Variants in FRMD6 observed in about 807,000 individuals in gnomAD.
The protein encoded by FRMD6 is FERM domain-containing protein 6.
FRMD6 carries 37 observed loss-of-function variants against 73.2 expected under a neutral mutation model. That is an observed-to-expected ratio of 0.51 (90% CI 0.39 to 0.66). The LOEUF is 0.66. Ranked by LOEUF, FRMD6 falls within the 30% of genes least tolerant of loss-of-function variation. The probability of loss-of-function intolerance (pLI) is 0.00; values close to 1 mark genes in which losing one functional copy is unlikely to be tolerated. For missense variants in FRMD6, 714 were observed against 780.5 expected, an observed-to-expected ratio of 0.91 and a Z score of 1.02; for synonymous variants, 273 against 282.2, an observed-to-expected ratio of 0.97 and a Z score of 0.33.
At chr14:51,659,306 A>G (rs1274645945) in intron 1 of FRMD6, among the ~76,000 whole-genome samples, 2 of 152,280 alleles carry the variant, frequency 1.3e-5, no homozygotes, top group Non-Finnish European at 2.9e-5. Context: ...GGTCTTTGAT[A>G]TATAATAAAC....
intron 1 of FRMD6, among the ~76,000 whole-genome samples, chr14:51,654,305 TG>T (rs56170622): frequency 1.0e-3 from 122 of 121,906 alleles, no homozygotes; most frequent in East Asian, 1.2e-3. Flanking sequence ...TTAGCTGAAT[TG>T]GGGGGGGGGT....
intron 2 of FRMD6, among the ~76,000 whole-genome samples, chr14:51,604,817 G>T (rs369132905): frequency 6.6e-6 from 1 of 152,040 alleles, no homozygotes; most frequent in African/African-American, 2.4e-5. Flanking sequence ...CCCTCTCCAC[G>T]CCTCTGTACT....
chr14:51,698,127 C>T lies in FRMD6; in HGVS notation c.100-15C>T. ...GTTGAATTGTTATTTTACGTCGTGC[C>T]TTTTTCCCCTACAGGTTAAGATTCT... On this transcript the variant is annotated splice_polypyrimidine_tract_variant and intron_variant, in intron 2 of 13. Coordinates refer to ENST00000344768, the MANE Select transcript of FRMD6 (RefSeq NM_001267046.2). The T allele has an allele frequency of 6.2e-7, 1 of 1,601,706 alleles. No individual in the cohort carries two copies. Among genetic ancestry groups the T allele is most frequent in the Non-Finnish European group, 8.5e-7 (1 of 1,170,488 alleles).
chr14:51,576,609 G>C (rs72673981), intron 2 of FRMD6, among the ~76,000 whole-genome samples: 37,416 of 151,988 alleles, frequency 0.25, 4,874 homozygotes, highest in Admixed American at 0.3. Flanking sequence ...GTACTCCCCT[G>C]CACCCCTAAG....
Position 51,530,646 on chromosome 14 carries a change from A to AT in FRMD6, c.-209-39688dup, listed in dbSNP as rs10531677. ...CAGGCATGCACCACCACACCCAGCT[A>AT]TTTTTTTTTTTTTTAATTTTAGTAG... On this transcript the variant is annotated intron_variant, in intron 1 of 14. Coordinates refer to the FRMD6 transcript ENST00000356218. 9.9e-4 allele frequency among the ~76,000 whole-genome samples: 146 copies of AT among 148,116 alleles called. 2 individuals carry two copies. The highest frequency in any genetic ancestry group is 3.4e-3 in the African/African-American group (136 of 40,236).
chr14:51,659,978 C>T (rs74052656), intron 1 of FRMD6, among the ~76,000 whole-genome samples: 1 of 152,086 alleles, frequency 6.6e-6, no homozygotes, highest in Non-Finnish European at 1.5e-5. Flanking sequence ...TCTAACTAGC[C>T]TAATTACGAG....
At chr14:51,680,782 A>T (rs1894740563) in intron 1 of FRMD6, among the ~76,000 whole-genome samples, 1 of 152,020 alleles carries the variant, frequency 6.6e-6, no homozygotes, top group East Asian at 1.9e-4. Flanking sequence ...ATATACTATG[A>T]TTTACTAATC....
upstream of FRMD6, among the ~76,000 whole-genome samples, chr14:51,648,318 A>C (rs568967924): frequency 2.0e-5 from 3 of 152,230 alleles, no homozygotes; most frequent in South Asian, 6.2e-4. Context: ...CAAAGTTTAC[A>C]CCTCTCAAAA....
At chr14:51,678,706 T>C (rs1044322872) in intron 1 of FRMD6, among the ~76,000 whole-genome samples, 1 of 152,068 alleles carries the variant, frequency 6.6e-6, no homozygotes, top group Non-Finnish European at 1.5e-5. Flanking sequence ...TTGAGGAGAC[T>C]CCAGTCCTCC....
intron 2 of FRMD6, among the ~76,000 whole-genome samples, chr14:51,594,796 G>C (rs2139759895): frequency 6.6e-6 from 1 of 152,256 alleles, no homozygotes; most frequent in Non-Finnish European, 1.5e-5. Flanking sequence ...TCCACCCCAG[G>C]GACCCAACTC....
chr14:51,584,987 A>G (rs978027588), intron 2 of FRMD6, among the ~76,000 whole-genome samples: 1 of 152,226 alleles, frequency 6.6e-6, no homozygotes, highest in Non-Finnish European at 1.5e-5. Context: ...TAAATGAGTT[A>G]ATACACATAA....
At chr14:51,572,995 C>T (rs562486743) in intron 2 of FRMD6, among the ~76,000 whole-genome samples, 1 of 152,186 alleles carries the variant, frequency 6.6e-6, no homozygotes. Context: ...CTTTCATAGA[C>T]AACACTTTCC....
chr14:51,497,122 C>A (rs1022504900), intron 1 of FRMD6, among the ~76,000 whole-genome samples: 1 of 152,048 alleles, frequency 6.6e-6, no homozygotes, highest in African/African-American at 2.4e-5. Flanking sequence ...ACATATGTAT[C>A]TGGGCACATA....
At chr14:51,459,934 C>T in the FRMD6 span, among the ~76,000 whole-genome samples, 1 of 108,052 alleles carries the variant, frequency 9.3e-6, no homozygotes, top group Admixed American at 1.2e-4. Context: ...AATCTTTTGG[C>T]CTTCCTGATA....
chr14:51,450,310 A>G, the FRMD6 span, among the ~76,000 whole-genome samples: 1 of 152,232 alleles, frequency 6.6e-6, no homozygotes, highest in Admixed American at 6.5e-5. Flanking sequence ...GATAGGAATT[A>G]CAGCATGAAA....
chr14:51,546,860 A>G (rs12433928), intron 1 of FRMD6: 29,154 of 152,152 alleles, frequency 0.19, 2,989 homozygotes, highest in Middle Eastern at 0.32. Context: ...GTATCACTAC[A>G]GGAACTAATT....
intron 1 of FRMD6, among the ~76,000 whole-genome samples, chr14:51,688,401 A>C (rs913911836): frequency 6.6e-6 from 1 of 152,156 alleles, no homozygotes; most frequent in Non-Finnish European, 1.5e-5. Flanking sequence ...TTTATTCTTT[A>C]AGAAGAATAC....
the FRMD6 span, among the ~76,000 whole-genome samples, chr14:51,412,746 G>T: frequency 6.6e-6 from 1 of 151,822 alleles, no homozygotes; most frequent in Non-Finnish European, 1.5e-5. Context: ...CAGCTACTCA[G>T]GAGGCTGAGG....
At chr14:51,557,425 T>C (rs979749360) in intron 1 of FRMD6, among the ~76,000 whole-genome samples, 1 of 152,014 alleles carries the variant, frequency 6.6e-6, no homozygotes, top group African/African-American at 2.4e-5. Flanking sequence ...TCTCACCTCT[T>C]TGTAGAATCT....
Sources: gnomAD v4.1 joint callset for allele counts (sites outside exome capture counted in the v4.1 genomes callset) on GRCh38, gnomAD v4.1.1 for gene constraint, MANE v1.5 for transcripts, NCBI Gene and HGNC (gene_info 2026-07-23, HGNC 2026-07-21) for gene names.